The following AGBL3 variants were observed in gnomAD, a reference collection of about 807,000 sequenced individuals.
The protein encoded by AGBL3 is cytosolic carboxypeptidase 3.
AGBL3 carries 68 observed loss-of-function variants against 94.5 expected under a neutral mutation model. The ratio of observed to expected loss-of-function variants is 0.72; its 90% CI spans 0.59 to 0.88. The LOEUF (loss-of-function observed/expected upper bound fraction) is 0.88. AGBL3 is among the 40% of genes least tolerant of loss of function. AGBL3 has a pLI of 0.00. For missense variants in AGBL3, 934 were observed against 1,103.8 expected (o/e 0.85, Z 2.18); for synonymous variants, 354 against 370.7 (o/e 0.95, Z 0.52).
rs1424019444 is a variant in AGBL3, at chr7:135,045,884, T to C, written c.1814T>C (p.Ile605Thr). 3 of 1,549,558 alleles carry C rather than the reference T, an allele frequency of 1.9e-6. No homozygotes were observed. The highest frequency in any genetic ancestry group is 2.0e-5 in the Admixed American group (1 of 50,916). ...TTTGAGGATTCAGACACACCTGTGA[T>C]AGACATTACATTGGATGTAGAGTCT... ...KVFEDSDTPVIDITLDVESSS... is the reference protein window; with the variant it reads ...KVFEDSDTPVTDITLDVESSS... The change falls in exon 11 of 17, where the codon ATA (isoleucine) becomes ACA (threonine). Residue 605 changes from isoleucine to threonine, a missense_variant. Around this residue, in one of 3 missense-constraint regions of AGBL3, gnomAD observed 441 missense variants for 518.2 expected, o/e 0.85. Transcript: ENST00000436302.
chr7:135,112,319 T>C (rs1825759207), intron 15 of AGBL3, among the ~76,000 whole-genome samples: 1 of 152,236 alleles, frequency 6.6e-6, no homozygotes. Context: ...AAATCTTCAA[T>C]GTCCCCCTGT....
intron 13 of AGBL3, among the ~76,000 whole-genome samples, chr7:135,077,310 C>T (rs1436039488): frequency 6.6e-6 from 1 of 152,088 alleles, no homozygotes; most frequent in Admixed American, 6.6e-5. Flanking sequence ...CTCTGCTTGC[C>T]CTTATCTTGG....
intron 8 of AGBL3, among the ~76,000 whole-genome samples, chr7:135,038,519 T>C (rs1450079423): frequency 1.3e-5 from 2 of 152,230 alleles, no homozygotes; most frequent in African/African-American, 4.8e-5. Flanking sequence ...TTTAGATCTC[T>C]AACCTGTTGT....
Position 135,080,282 on chromosome 7 carries a change from C to T in AGBL3, c.2038+22C>T, listed in dbSNP as rs1171914410. 3 of 1,537,588 alleles carry T rather than the reference C, an allele frequency of 2.0e-6. No individual in the cohort carries two copies. The South Asian group carries it at 3.6e-5, about 18-fold the overall frequency. ...AAAGGTAATATTCTGCTTCTACCTTCTCATAAACAATTAATTCATTTACTC... is the reference window on the plus strand; with the variant it reads ...AAAGGTAATATTCTGCTTCTACCTTTTCATAAACAATTAATTCATTTACTC... On this transcript the variant is annotated intron_variant, in intron 14 of 16. Transcript: ENST00000436302.
Position 135,134,967 on chromosome 7 carries a change from C to T in AGBL3, c.2469C>T (p.Pro823=), listed in dbSNP as rs1010635774. Residue 823 remains proline (P), a synonymous_variant, in exon 17 of 17, where the codon CCC becomes CCT. Transcript: ENST00000436302. ...CTTCAGAATGGGTCCAGTCTAAGCC[C>T]CACAGGTCATTGGAAAGTTTATCAC... is the stretch of plus-strand genomic sequence containing the variant. ...ANSSEWVQSK[P]HRSLESLSPL... 2 of 1,550,986 alleles carry T rather than the reference C, an allele frequency of 1.3e-6. No homozygotes were observed. Among genetic ancestry groups the T allele is most frequent in the African/African-American group, 2.7e-5 (2 of 72,962 alleles).
Position 135,135,368 on chromosome 7 carries a change from C to T in AGBL3, c.*107C>T. On this transcript the variant is annotated 3_prime_UTR_variant, in exon 17 of 17. Coordinates refer to ENST00000436302, the MANE Select transcript of AGBL3 (RefSeq NM_178563.4). ...CCCTTCCCCTTTCCCTATCTCTCCC[C>T]TTACACATGCATATGCATAAACTAA... The T allele has an allele frequency of 9.8e-7, 1 of 1,021,520 alleles. No individual in the cohort carries two copies. The highest frequency in any genetic ancestry group is 1.3e-6 in the Non-Finnish European group (1 of 746,724). 63.3% of individuals were successfully genotyped at this position (1,021,520 alleles called of 1,614,324 possible). A position where few individuals can be genotyped will look rare whatever the true frequency, so the allele number is the denominator to read the frequency against.
In AGBL3 at chr7:135,034,426, T is replaced by G; in HGVS notation, c.835T>G (p.Ser279Ala). Residue 279 changes from serine to alanine, a missense_variant, in exon 7 of 17, where the codon TCT (serine) becomes GCT (alanine). Physicochemically the swap from Ser to Ala is moderately conservative, Grantham distance 99. Coordinates refer to ENST00000436302, the MANE Select transcript of AGBL3 (RefSeq NM_178563.4). The part of the protein sequence containing the change: ...NPGQDGRHYF[S>A]LTWTFQFPHN... ...AGGCCAAGATGGGCGCCATTATTTC[T>G]CTCTTACATGGACATTTCAATTTCC... 6.4e-7 allele frequency: 1 copy of G among 1,551,748 alleles called. No homozygotes were observed. The highest frequency in any genetic ancestry group is 8.7e-7 in the Non-Finnish European group (1 of 1,146,998).
Position 135,135,112 on chromosome 7 carries a change from G to T in AGBL3, c.2614G>T (p.Val872Phe). ...TTCAAGCTTTGGAATGGATGCAAAT[G>T]TTCTAAAATATAAGAGTCTTCAAGC... ...ASSSFGMDAN[V>F]LKYKSLQAEE... The change falls in exon 17 of 17, where the codon GTT becomes TTT. Residue 872 changes from valine (V) to phenylalanine (F), a missense_variant. Physicochemically the swap from Val to Phe is conservative, Grantham distance 50 (BLOSUM62 -1). Coordinates refer to ENST00000436302, the MANE Select transcript of AGBL3 (RefSeq NM_178563.4). The T allele has an allele frequency of 6.4e-7, 1 of 1,551,178 alleles. No homozygotes were observed. The highest frequency in any genetic ancestry group is 8.7e-7 in the Non-Finnish European group (1 of 1,146,644).
At chr7:135,046,280 C>A (rs891729066) in intron 11 of AGBL3, among the ~76,000 whole-genome samples, 1 of 152,070 alleles carries the variant, frequency 6.6e-6, no homozygotes, top group Admixed American at 6.6e-5. Flanking sequence ...ATATCCCCTA[C>A]CAGAGTGGTA....
chr7:135,017,040 T>C lies in AGBL3; in HGVS notation c.311-12T>C. On this transcript the variant is annotated splice_polypyrimidine_tract_variant and intron_variant, in intron 4 of 16. Transcript: ENST00000436302. ...AAGTCATCTTCAAATAATGTTTCAC[T>C]TTTTTTTCCAGATTGGACTCCTTCT... 2 of 1,475,430 alleles carry C rather than the reference T, an allele frequency of 1.4e-6. No homozygotes were observed. Among genetic ancestry groups the C allele is most frequent in the Non-Finnish European group, 1.8e-6 (2 of 1,083,266 alleles). 91.4% of individuals were successfully genotyped at this position (1,475,430 alleles called of 1,614,324 possible). A position where few individuals can be genotyped will look rare whatever the true frequency, so the allele number is the denominator to read the frequency against.
chr7:135,134,795 T>G, intron 16 of AGBL3, 46 bp from the exon 17 acceptor site: 1 of 1,482,674 alleles, frequency 6.7e-7, no homozygotes, highest in Non-Finnish European at 9.1e-7. Flanking sequence ...GACTACAAAG[T>G]AGGTCCATGA....
intron 3 of AGBL3, among the ~76,000 whole-genome samples, chr7:134,991,813 G>A (rs535627820): frequency 7.4e-5 from 11 of 147,868 alleles, no homozygotes; most frequent in African/African-American, 2.9e-4. Context: ...CCAAACTTTA[G>A]TAAACAGAAA....
At chr7:135,022,484 T>C (rs1412120989) in intron 5 of AGBL3, among the ~76,000 whole-genome samples, 1 of 152,200 alleles carries the variant, frequency 6.6e-6, no homozygotes, top group Non-Finnish European at 1.5e-5. Context: ...TGTCTGTTCA[T>C]ATCCTTTGCT....
chr7:134,998,340 T>C (rs1436976831), intron 4 of AGBL3, among the ~76,000 whole-genome samples: 1 of 152,190 alleles, frequency 6.6e-6, no homozygotes, highest in African/African-American at 2.4e-5. Flanking sequence ...TTTACCTTTT[T>C]GGGCATCTAG....
intron 16 of AGBL3, 119 bp downstream of exon 16, chr7:135,115,730 C>T: frequency 1.2e-6 from 1 of 819,592 alleles, no homozygotes; most frequent in East Asian, 2.7e-5. Flanking sequence ...ATGTCAGCTC[C>T]ATCACATTTG....
intron 11 of AGBL3, among the ~76,000 whole-genome samples, chr7:135,048,189 G>A (rs1011037395): frequency 6.6e-6 from 1 of 151,818 alleles, no homozygotes; most frequent in Non-Finnish European, 1.5e-5. Flanking sequence ...TTGGGGCCCT[G>A]TATTCTATCC....
intron 15 of AGBL3, among the ~76,000 whole-genome samples, chr7:135,082,082 T>C (rs1820968041): frequency 1.3e-5 from 2 of 152,178 alleles, no homozygotes; most frequent in African/African-American, 4.8e-5. Flanking sequence ...TGACTACACT[T>C]GGTGACAAGT....
chr7:135,032,921 G>A lies in AGBL3; in HGVS notation c.496G>A (p.Asp166Asn), dbSNP rs1815921684. 6.4e-7 allele frequency: 1 copy of A among 1,551,608 alleles called. No individual in the cohort carries two copies. Among genetic ancestry groups the A allele is most frequent in the Middle Eastern group, 1.7e-4 (1 of 5,996 alleles). ...TPLKQPVDYR[D>N]NTLMFEARFE... The stretch of plus-strand genomic sequence containing the variant: ...TTTGAAGCAGCCTGTGGATTACCGT[G>A]ACAATACTTTGATGTTTGAAGCAAG... Residue 166 changes from aspartate (D) to asparagine (N), a missense_variant, in exon 6 of 17, where the codon GAC becomes AAC. Asp to Asn is a conservative substitution (Grantham distance 23). Around this residue, in one of 3 missense-constraint regions of AGBL3, gnomAD observed 488 missense variants for 563.6 expected, o/e 0.87. Transcript: ENST00000436302.
rs1191832835 is a variant in AGBL3 at position 135,081,748 on chromosome 7, A to G, written c.2068A>G (p.Met690Val). 6.5e-7 allele frequency: 1 copy of G among 1,542,498 alleles called. No individual in the cohort carries two copies. ...DTRPNEPDDYMVDYFRRQLPN... is the reference protein window; with the variant it reads ...DTRPNEPDDYVVDYFRRQLPN... ...AAGGCCAAATGAACCAGATGATTAT[A>G]TGGTTGATTATTTCAGAAGACAATT... The change falls in exon 15 of 17, where the codon ATG becomes GTG. Residue 690 changes from methionine to valine, a missense_variant. Coordinates refer to ENST00000436302, the MANE Select transcript of AGBL3 (RefSeq NM_178563.4).
Sources: allele counts gnomAD v4.1 joint callset (sites outside exome capture counted in the v4.1 genomes callset), GRCh38; gene constraint gnomAD v4.1.1; regional missense constraint gnomAD v4.1.1; transcripts MANE v1.5; gene names NCBI Gene and HGNC (gene_info 2026-07-23, HGNC 2026-07-21).